Variants in MAST4 observed in about 807,000 individuals in gnomAD.
MAST4 encodes microtubule-associated serine/threonine-protein kinase 4.
MAST4 carries 89 observed loss-of-function variants against 162.7 expected under a neutral mutation model. The ratio of observed to expected loss-of-function variants is 0.55; its 90% CI spans 0.46 to 0.65. The LOEUF (loss-of-function observed/expected upper bound fraction) is 0.65, where lower values mean the gene tolerates loss of function less well. Among genes scored for constraint, MAST4 ranks in the 30% least tolerant of loss-of-function variants. The pLI, the probability that MAST4 is intolerant of heterozygous loss-of-function variation, is 0.00. For synonymous variants in MAST4, 1,479 were observed against 1,361.1 expected (o/e 1.09, Z -1.91); for missense variants, 3,153 against 3,374.0 (o/e 0.93, Z 1.62).
Position 67,121,001 on chromosome 5 carries a change from A to G in MAST4, c.1660-16A>G, listed in dbSNP as rs547855303. ...AAATCTAAACTACTTTTTAACTTCC[A>G]TATTTTGTTTCCAAGAGCTCTAATG... On this transcript the variant is annotated splice_polypyrimidine_tract_variant and intron_variant, in intron 13 of 28. Coordinates refer to ENST00000403625, the MANE Select transcript of MAST4 (RefSeq NM_001164664.2). 385 of 1,578,898 alleles carry G rather than the reference A, an allele frequency of 2.4e-4. 1 individual carries two copies. In the South Asian group the frequency reaches 3.3e-3, roughly 14 times the overall value.
At chr5:67,138,575 A>G (rs1769969854) in intron 19 of MAST4, among the ~76,000 whole-genome samples, 1 of 152,156 alleles carries the variant, frequency 6.6e-6, no homozygotes. Flanking sequence ...CTGGGGCCAC[A>G]AGAGCATGCC....
At chr5:66,911,568 CCCCCCCCGCAA>C (rs201764987) in intron 4 of MAST4, among the ~76,000 whole-genome samples, 1,600 of 81,820 alleles carry the variant, frequency 0.02, 76 homozygotes, top group South Asian at 0.13. Flanking sequence ...ACCCCCCCCC[CCCCCCCCGCAA>C]AAAAAAATTA....
chr5:66,628,358 A>G (rs1444004521), intron 1 of MAST4, among the ~76,000 whole-genome samples: 4 of 146,406 alleles, frequency 2.7e-5, no homozygotes, highest in Non-Finnish European at 4.5e-5. Flanking sequence ...TTTTTTTTTA[A>G]GTAGGCTCCA....
chr5:66,727,377 T>TG (rs1175478000), intron 1 of MAST4, among the ~76,000 whole-genome samples: 1 of 152,214 alleles, frequency 6.6e-6, no homozygotes, highest in Admixed American at 6.5e-5. Context: ...ATTCCACTAA[T>TG]GGGTCAAGAC....
At chr5:66,620,047 C>CTTTTT (rs200969306) in intron 1 of MAST4, among the ~76,000 whole-genome samples, 2 of 133,850 alleles carry the variant, frequency 1.5e-5, no homozygotes, top group African/African-American at 2.8e-5. Flanking sequence ...ACTTAGGTTG[C>CTTTTT]TTTTTTTTTT....
chr5:66,788,574 G>A, intron 2 of MAST4, 96 bp from the exon 3 acceptor site: 1 of 1,372,712 alleles, frequency 7.3e-7, no homozygotes, highest in Non-Finnish European at 1.0e-6. Flanking sequence ...ACAGAACAAG[G>A]TTGGCCAGGA....
At chr5:66,852,739 C>T (rs186031157) in intron 3 of MAST4, among the ~76,000 whole-genome samples, 43 of 152,174 alleles carry the variant, frequency 2.8e-4, no homozygotes, top group African/African-American at 1.0e-3. Context: ...GTTCTCGGAG[C>T]TCCATTGTGT....
rs940453038 is a variant in MAST4 at position 67,138,559 on chromosome 5, G to A, written c.2494+1895G>A. 3.3e-5 allele frequency among the ~76,000 whole-genome samples: 5 copies of A among 152,172 alleles called. No homozygotes were observed. The East Asian group carries it at 5.8e-4, about 18-fold the overall frequency. The stretch of plus-strand genomic sequence containing the variant: ...AGCGATTCTCATGCCTCAGCCTCCC[G>A]AGTAGCTGGGGCCACAAGAGCATGC... On this transcript the variant is annotated intron_variant, in intron 19 of 28. Coordinates refer to ENST00000403625, the MANE Select transcript of MAST4 (RefSeq NM_001164664.2).
At chr5:66,626,206 T>C (rs1230531560) in intron 1 of MAST4, among the ~76,000 whole-genome samples, 1 of 152,066 alleles carries the variant, frequency 6.6e-6, no homozygotes, top group East Asian at 1.9e-4. Context: ...TCGAAGATAA[T>C]ATTTTATTAT....
chr5:67,024,557 A>ACACATTACACATTACAAAT (rs1754412885), intron 4 of MAST4, among the ~76,000 whole-genome samples: 2 of 151,834 alleles, frequency 1.3e-5, no homozygotes, highest in South Asian at 4.2e-4. Flanking sequence ...TCTTCATCCT[A>ACACATTACACATTACAAAT]AGTAATGTGT....
chr5:66,879,580 CGGCTCACTGTAGCCTTG>C (rs1303524502), intron 3 of MAST4, among the ~76,000 whole-genome samples: 2 of 152,198 alleles, frequency 1.3e-5, no homozygotes, highest in East Asian at 3.9e-4. Context: ...CCATCACTCA[CGGCTCACTGTAGCCTTG>C]ACCTCCCCAG....
intron 4 of MAST4, among the ~76,000 whole-genome samples, chr5:66,915,085 G>A (rs1411767593): frequency 6.6e-6 from 1 of 151,986 alleles, no homozygotes; most frequent in Non-Finnish European, 1.5e-5. Context: ...TCAACATGGT[G>A]AGACCCTGTC....
rs767743036 is a variant in MAST4, at chr5:67,162,756, C to G, written c.3935C>G (p.Pro1312Arg). The change falls in exon 28 of 29, where the codon CCA becomes CGA. Residue 1312 changes from proline to arginine, a missense_variant. Physicochemically the swap from Pro to Arg is moderately radical, Grantham distance 103. Around this residue, in one of 7 missense-constraint regions of MAST4, gnomAD observed 619 missense variants for 744.2 expected, o/e 0.83. Transcript: ENST00000403625. ...AGCTTGTCTCCCCGGTCTCCAACACCAAGCTACCGCTCCACCCCTGACTTC... is the reference window on the plus strand; with the variant it reads ...AGCTTGTCTCCCCGGTCTCCAACACGAAGCTACCGCTCCACCCCTGACTTC... ...THSLSPRSPTPSYRSTPDFPS... is the reference protein window; with the variant it reads ...THSLSPRSPTRSYRSTPDFPS... 1 of 1,613,762 alleles carries G rather than the reference C, an allele frequency of 6.2e-7. No individual in the cohort carries two copies. The highest frequency in any genetic ancestry group is 1.3e-5 in the African/African-American group (1 of 74,876).
At chr5:66,942,382 T>C (rs973380795) in intron 4 of MAST4, among the ~76,000 whole-genome samples, 2 of 152,196 alleles carry the variant, frequency 1.3e-5, no homozygotes, top group African/African-American at 4.8e-5. Context: ...CCATGGTAAT[T>C]TAGCTTGATG....
At chr5:66,954,900 C>CAAAAAAAAAAAAAAAAA (rs538274808) in intron 4 of MAST4, among the ~76,000 whole-genome samples, 1 of 139,400 alleles carries the variant, frequency 7.2e-6, no homozygotes, top group African/African-American at 2.9e-5. Context: ...GACTCTGTCT[C>CAAAAAAAAAAAAAAAAA]AAAAAAAAAA....
At chr5:66,694,291 G>A (rs770591465) in intron 1 of MAST4, among the ~76,000 whole-genome samples, 27 of 152,120 alleles carry the variant, frequency 1.8e-4, no homozygotes, top group Non-Finnish European at 4.4e-5. Context: ...CAGTAAAAGT[G>A]TGCTGAAGGT....
intron 3 of MAST4, among the ~76,000 whole-genome samples, chr5:66,814,971 A>C (rs940281977): frequency 1.3e-5 from 2 of 152,314 alleles, no homozygotes; most frequent in Middle Eastern, 6.8e-3. Flanking sequence ...TCCTAGGTTT[A>C]TATATTTGAA....
At chr5:67,007,897 C>G (rs1008877869) in intron 4 of MAST4, among the ~76,000 whole-genome samples, 1 of 152,192 alleles carries the variant, frequency 6.6e-6, no homozygotes, top group Non-Finnish European at 1.5e-5. Flanking sequence ...TACAGACATA[C>G]TCTCAGGCCT....
At chr5:67,056,897 T>A (rs1758896580) in intron 5 of MAST4, among the ~76,000 whole-genome samples, 1 of 152,046 alleles carries the variant, frequency 6.6e-6, no homozygotes, top group Non-Finnish European at 1.5e-5. Flanking sequence ...GAGAGAAGGT[T>A]TCGCCCTGTT....
Sources: gnomAD v4.1 joint callset for allele counts (sites outside exome capture counted in the v4.1 genomes callset) on GRCh38, gnomAD v4.1.1 for gene constraint, gnomAD v4.1.1 regional missense constraint, MANE v1.5 for transcripts, NCBI Gene and HGNC (gene_info 2026-07-23, HGNC 2026-07-21) for gene names.